MINDY4: variants seen among roughly 807,000 people sequenced by gnomAD.
The protein encoded by MINDY4 is MINDY lysine 48 deubiquitinase 4.
A neutral mutation model predicts 87.0 loss-of-function variants in MINDY4; 68 were observed. The observed-to-expected ratio is 0.78, with a 90% confidence interval of 0.64 to 0.96. The LOEUF (loss-of-function observed/expected upper bound fraction) is 0.96, where lower values mean the gene tolerates loss of function less well. MINDY4 is among the 40% of genes least tolerant of loss of function. The pLI, the probability that MINDY4 is intolerant of heterozygous loss-of-function variation, is 0.00. For missense variants in MINDY4, 919 were observed against 928.2 expected (o/e 0.99, Z 0.13); for synonymous variants, 379 against 363.2 (o/e 1.04, Z -0.50).
chr7:30,814,267 A>C (rs566487863), intron 5 of MINDY4, among the ~76,000 whole-genome samples: 6 of 152,322 alleles, frequency 3.9e-5, no homozygotes, highest in African/African-American at 1.4e-4. Flanking sequence ...CATTAGCTTC[A>C]TGGTAAATCA....
At chr7:30,817,299 A>G (rs1272657603) in intron 5 of MINDY4, among the ~76,000 whole-genome samples, 1 of 152,132 alleles carries the variant, frequency 6.6e-6, no homozygotes, top group Non-Finnish European at 1.5e-5. Flanking sequence ...ACAGGAAACC[A>G]AAGAAAAAAG....
intron 7 of MINDY4, among the ~76,000 whole-genome samples, chr7:30,837,361 G>T (rs112945183): frequency 6.6e-6 from 1 of 152,128 alleles, no homozygotes; most frequent in East Asian, 1.9e-4. Flanking sequence ...TGTCATTCCC[G>T]CTGTCCTCTT....
At chr7:30,832,910 C>T (rs896619349) in intron 6 of MINDY4, among the ~76,000 whole-genome samples, 2 of 152,206 alleles carry the variant, frequency 1.3e-5, no homozygotes, top group Admixed American at 1.3e-4. Flanking sequence ...TTATTACCTT[C>T]CTTTCCCATA....
In MINDY4 at chr7:30,807,529, A is replaced by T. The variant is rs73300083; in HGVS notation, c.1073+15955A>T. Among the ~76,000 whole-genome samples, 1,440 of 152,276 alleles carry T rather than the reference A, an allele frequency of 9.5e-3. 38 individuals carry two copies. The highest frequency in any genetic ancestry group is 0.032 in the African/African-American group (1,334 of 41,542). ...TAAAAAAAAAAGCCGGTCTGGTCTA[A>T]GGGAGGAGACCACCCCTCATGTTGT... On this transcript the variant is annotated intron_variant, in intron 5 of 17. Transcript: ENST00000265299.
chr7:30,871,862 A>G (rs1790116889), intron 13 of MINDY4, among the ~76,000 whole-genome samples: 1 of 152,182 alleles, frequency 6.6e-6, no homozygotes, highest in African/African-American at 2.4e-5. Flanking sequence ...CAGAGGTGGA[A>G]GAGGGTTCCT....
At position 30,829,671 on chromosome 7, in the gene MINDY4, C is replaced by A. The variant is rs548726589; in HGVS notation, c.1132+934C>A. ...GTTTGTTTACTCTGCCTAACTGATC[C>A]TAGAAGTAGCAGATCCTCAGAGCTC... On this transcript the variant is annotated intron_variant, in intron 6 of 17. Transcript: ENST00000265299. Among the ~76,000 whole-genome samples the A allele has an allele frequency of 2.0e-4, 30 of 152,320 alleles. No homozygotes were observed. The East Asian group carries it at 5.8e-3, about 29-fold the overall frequency.
At chr7:30,889,326 C>G (rs769783684) in intron 17 of MINDY4, among the ~76,000 whole-genome samples, 1 of 152,194 alleles carries the variant, frequency 6.6e-6, no homozygotes, top group Non-Finnish European at 1.5e-5. Context: ...AATAGATGAA[C>G]TCAGTACCCA....
At chr7:30,816,238 C>A (rs1788144952) in intron 5 of MINDY4, among the ~76,000 whole-genome samples, 1 of 151,780 alleles carries the variant, frequency 6.6e-6, no homozygotes, top group East Asian at 1.9e-4. Context: ...AAGGTCACAT[C>A]TTTGTACAGT....
intron 1 of MINDY4, among the ~76,000 whole-genome samples, chr7:30,777,061 G>C (rs114901555): frequency 3.4e-3 from 502 of 148,536 alleles, no homozygotes; most frequent in African/African-American, 0.012. Flanking sequence ...CCAGGATGGA[G>C]TGCAGTGGTG....
chr7:30,865,900 GT>G (rs1789919742), intron 13 of MINDY4, among the ~76,000 whole-genome samples: 1 of 152,212 alleles, frequency 6.6e-6, no homozygotes, highest in African/African-American at 2.4e-5. Context: ...GCTCAGCTGT[GT>G]CTGCTGACTT....
chr7:30,878,922 G>A (rs1190244075), intron 15 of MINDY4, among the ~76,000 whole-genome samples: 2 of 152,164 alleles, frequency 1.3e-5, no homozygotes, highest in African/African-American at 4.8e-5. Flanking sequence ...CACCAGCATC[G>A]CTGATTTTGA....
At chr7:30,847,792 T>G (rs980782445) in intron 9 of MINDY4, among the ~76,000 whole-genome samples, 1 of 152,226 alleles carries the variant, frequency 6.6e-6, no homozygotes, top group Non-Finnish European at 1.5e-5. Flanking sequence ...TAGGCTAGAA[T>G]GCAGTGGCAC....
chr7:30,852,509 C>A (rs554822051), intron 11 of MINDY4, among the ~76,000 whole-genome samples: 8 of 150,982 alleles, frequency 5.3e-5, no homozygotes, highest in Admixed American at 2.0e-4. Flanking sequence ...CCTGTCCCAT[C>A]GAGGGTGTGC....
intron 5 of MINDY4, among the ~76,000 whole-genome samples, chr7:30,824,369 A>T (rs1172965087): frequency 6.6e-6 from 1 of 152,074 alleles, no homozygotes; most frequent in Non-Finnish European, 1.5e-5. Flanking sequence ...AGCACTCATG[A>T]CTCAATCATC....
intron 10 of MINDY4, 84 bp downstream of exon 10, chr7:30,850,639 T>C: frequency 7.9e-7 from 1 of 1,270,958 alleles, no homozygotes; most frequent in Non-Finnish European, 1.1e-6. Flanking sequence ...CTCCTATCCT[T>C]GGGTCCTTCC....
intron 5 of MINDY4, among the ~76,000 whole-genome samples, chr7:30,806,606 G>C (rs1407606761): frequency 6.6e-6 from 1 of 152,288 alleles, no homozygotes; most frequent in Non-Finnish European, 1.5e-5. Context: ...GTTCAGGTTA[G>C]TTGTGAGAGC....
intron 12 of MINDY4, among the ~76,000 whole-genome samples, chr7:30,857,535 C>T (rs538851827): frequency 9.5e-6 from 1 of 105,546 alleles, no homozygotes; most frequent in Non-Finnish European, 1.7e-5. Flanking sequence ...TGCAGTGGCG[C>T]GATCTCGGCT....
chr7:30,856,215 G>GCAGTT lies in MINDY4; in HGVS notation c.1677+2757_1677+2761dup, dbSNP rs141270012. Among the ~76,000 whole-genome samples, 894 of 152,262 alleles carry GCAGTT rather than the reference G, an allele frequency of 5.9e-3. 8 individuals are homozygous for GCAGTT. The highest frequency in any genetic ancestry group is 0.021 in the African/African-American group (868 of 41,540). ...TGGCACCACTTTCTAGACCCTGATG[G>GCAGTT]CAGTTTTCAGGCCAGTTGCCTTGCC... On this transcript the variant is annotated intron_variant, in intron 12 of 17. Transcript: ENST00000265299.
chr7:30,787,142 C>T (rs1751410035), intron 4 of MINDY4, among the ~76,000 whole-genome samples: 1 of 152,198 alleles, frequency 6.6e-6, no homozygotes, highest in African/African-American at 2.4e-5. Context: ...TTTCTCTTGG[C>T]TGCAGTCTCT....
Sources: gnomAD v4.1 joint callset for allele counts (sites outside exome capture counted in the v4.1 genomes callset) on GRCh38, gnomAD v4.1.1 for gene constraint, MANE v1.5 for transcripts, NCBI Gene and HGNC (gene_info 2026-07-23, HGNC 2026-07-21) for gene names.